Variants in VPS13C observed in about 807,000 individuals in gnomAD.
VPS13C encodes vacuolar protein sorting 13 homolog C.
VPS13C carries 358 observed loss-of-function variants against 456.8 expected under a neutral mutation model. The observed-to-expected ratio is 0.78, with a 90% CI of 0.72 to 0.86. The LOEUF (loss-of-function observed/expected upper bound fraction) is 0.86, where lower values mean the gene tolerates loss of function less well. Ranked by LOEUF, VPS13C falls within the 40% of genes least tolerant of loss-of-function variation. VPS13C has a pLI of 0.00. For missense variants in VPS13C, 4,818 were observed against 4,385.4 expected (o/e 1.10, Z -2.79); for synonymous variants, 1,578 against 1,486.7 (o/e 1.06, Z -1.41).
chr15:61,874,276 T>C (rs62009076), intron 77 of VPS13C, among the ~76,000 whole-genome samples: 10,397 of 151,974 alleles, frequency 0.068, 519 homozygotes, highest in Non-Finnish European at 0.1. Flanking sequence ...CACTGTAGGG[T>C]GACTATAGTT....
intron 16 of VPS13C, among the ~76,000 whole-genome samples, chr15:61,997,542 A>G (rs1338017324): frequency 6.6e-6 from 1 of 152,026 alleles, no homozygotes; most frequent in Non-Finnish European, 1.5e-5. Flanking sequence ...TAGGTCCCAA[A>G]CTGAACTCCT....
chr15:61,929,538 T>C lies in VPS13C; in HGVS notation c.6249A>G (p.Pro2083=). 6.2e-7 allele frequency: 1 copy of C among 1,614,122 alleles called. No homozygotes were observed. Among genetic ancestry groups the C allele is most frequent in the Non-Finnish European group, 8.5e-7 (1 of 1,179,998 alleles). ...ENVAKETQIL[P]RQTATGKVKI... is the part of the protein sequence containing the mutation. ...TGACCTTCCCTGTGGCAGTCTGTCT[T>C]GGTAAAATCTGTGTTTCTTTTGCCA... is the stretch of plus-strand genomic sequence containing the variant. Residue 2083 remains proline (P), a synonymous_variant, in exon 51 of 85, where the codon CCA becomes CCG. Coordinates refer to ENST00000644861, the MANE Select transcript of VPS13C (RefSeq NM_020821.3).
chr15:62,053,134 A>C (rs1023578772), intron 1 of VPS13C, among the ~76,000 whole-genome samples: 8 of 152,218 alleles, frequency 5.3e-5, no homozygotes, highest in Non-Finnish European at 7.3e-5. Flanking sequence ...TATGTATTAC[A>C]CTAATGACCT....
At position 61,854,496 on chromosome 15, in the gene VPS13C, C is replaced by A. The variant is rs767154744; in HGVS notation, c.11223G>T (p.Gln3741His). The A allele has an allele frequency of 6.2e-7, 1 of 1,614,154 alleles. No homozygotes were observed. The highest frequency in any genetic ancestry group is 1.3e-5 in the African/African-American group (1 of 75,046). ...GGGGTCTGAGAAGTCTCACTGATGA[C>A]TGCTTCATCAATTTTTGCTGCTGTC... ...STRQQQKLMK[Q>H]SSVRLLRPQL... Residue 3741 changes from glutamine (Q) to histidine (H), a missense_variant, in exon 85 of 85, where the codon CAG becomes CAT. Gln to His is a conservative substitution (Grantham distance 24). This residue lies in a region of VPS13C where 261 missense variants were observed against 234.1 expected (regional missense o/e 1.11). Coordinates refer to ENST00000644861, the MANE Select transcript of VPS13C (RefSeq NM_020821.3).
chr15:62,050,111 T>C (rs113896355), intron 1 of VPS13C, among the ~76,000 whole-genome samples: 2,415 of 152,326 alleles, frequency 0.016, 79 homozygotes, highest in African/African-American at 0.056. Flanking sequence ...TCCTGCCTAA[T>C]TGCCCTGGCC....
intron 5 of VPS13C, among the ~76,000 whole-genome samples, chr15:62,033,137 C>T (rs897626239): frequency 3.3e-5 from 5 of 151,186 alleles, no homozygotes; most frequent in Admixed American, 2.6e-4. Context: ...TACCATTTGC[C>T]CAAAATAAAC....
rs758234668 is a variant in VPS13C at position 61,951,833 on chromosome 15, C to T, written c.4447G>A (p.Asp1483Asn). The T allele has an allele frequency of 1.2e-4, 187 of 1,609,032 alleles. 3 individuals are homozygous for T. In the South Asian group the frequency reaches 2.0e-3, roughly 17 times the overall value. ...YLKKISMQCF[D>N]FTDSKGEPLH... ...AATATTTCACACTTACCAGTGAAAT[C>T]AAAGCACTGCATACTAATTTTTTTT... is the stretch of plus-strand genomic sequence containing the variant. The change falls in exon 39 of 85, where the codon GAT becomes AAT. Residue 1483 changes from aspartate to asparagine, a missense_variant. By Grantham distance (23) the Asp-to-Asn change is conservative. Transcript: ENST00000644861.
chr15:61,923,212 A>G (rs898657179), intron 53 of VPS13C, among the ~76,000 whole-genome samples: 1 of 151,814 alleles, frequency 6.6e-6, no homozygotes, highest in African/African-American at 2.4e-5. Context: ...TCTTCTGAAA[A>G]AAAAAAAAAG....
intron 82 of VPS13C, among the ~76,000 whole-genome samples, chr15:61,857,500 C>A (rs977504966): frequency 6.6e-6 from 1 of 152,086 alleles, no homozygotes; most frequent in African/African-American, 2.4e-5. Context: ...AAGATAGATA[C>A]CATGGTGAAG....
rs1473037421 is a variant in VPS13C, at chr15:61,962,861, A to C, written c.3332-9T>G. The C allele has an allele frequency of 6.4e-7, 1 of 1,560,380 alleles. No homozygotes were observed. The highest frequency in any genetic ancestry group is 1.7e-5 in the Admixed American group (1 of 58,940). ...AAGGGAGGAATCCAGTCCTGAAAAA[A>C]AGAGTGTATTATTATAATTTCTACA... On this transcript the variant is annotated splice_polypyrimidine_tract_variant and intron_variant, in intron 32 of 84. Coordinates refer to ENST00000644861, the MANE Select transcript of VPS13C (RefSeq NM_020821.3).
In VPS13C at chr15:61,919,307, G is replaced by C. The variant is rs758637421; in HGVS notation, c.7620C>G (p.Thr2540=). ...IDATEGNKVI[T]LRSPLQIKNH... ...GTATTACCTGTAGAGGAGAGCGAAG[G>C]GTAATTACTTTATTCCCTTCAGTTG... Residue 2540 remains threonine, a synonymous_variant, in exon 58 of 85, where the codon ACC becomes ACG. Transcript: ENST00000644861. 6.2e-7 allele frequency: 1 copy of C among 1,602,990 alleles called. No individual in the cohort carries two copies. The highest frequency in any genetic ancestry group is 1.1e-5 in the South Asian group (1 of 88,792).
At chr15:62,029,521 C>T (rs1171187091) in intron 5 of VPS13C, among the ~76,000 whole-genome samples, 1 of 152,024 alleles carries the variant, frequency 6.6e-6, no homozygotes, top group Non-Finnish European at 1.5e-5. Flanking sequence ...AAATATACAC[C>T]TTCATAGTGT....
intron 3 of VPS13C, among the ~76,000 whole-genome samples, chr15:62,040,808 A>C (rs1321686108): frequency 6.6e-6 from 1 of 152,226 alleles, no homozygotes; most frequent in Non-Finnish European, 1.5e-5. Context: ...GAAAAAATTT[A>C]TTCAACAAAG....
chr15:61,876,361 G>A (rs1182261160), intron 75 of VPS13C, among the ~76,000 whole-genome samples: 1 of 151,600 alleles, frequency 6.6e-6, no homozygotes, highest in Non-Finnish European at 1.5e-5. Flanking sequence ...GTAATTGTTA[G>A]TTTTTTTTAG....
chr15:61,916,747 T>C (rs2043483855), intron 60 of VPS13C, among the ~76,000 whole-genome samples: 1 of 152,156 alleles, frequency 6.6e-6, no homozygotes, highest in Non-Finnish European at 1.5e-5. Context: ...ATACCATTAC[T>C]AGAAAATCTT....
chr15:62,003,507 T>G (rs1005449219), intron 15 of VPS13C, among the ~76,000 whole-genome samples: 1 of 152,148 alleles, frequency 6.6e-6, no homozygotes, highest in African/African-American at 2.4e-5. Flanking sequence ...TGAATACCCT[T>G]TAGTTCCTTC....
intron 36 of VPS13C, 36 bp from the exon 37 acceptor site, chr15:61,958,752 C>T (rs754170774): frequency 3.3e-5 from 38 of 1,155,672 alleles, no homozygotes; most frequent in Middle Eastern, 4.9e-4. Flanking sequence ...AACTATATTA[C>T]GTTTTAAAAT....
At chr15:61,930,005 T>C (rs2044001356) in intron 50 of VPS13C, among the ~76,000 whole-genome samples, 1 of 151,840 alleles carries the variant, frequency 6.6e-6, no homozygotes, top group Admixed American at 6.5e-5. Context: ...TGCATTATAA[T>C]GCAATTTTTG....
chr15:61,870,671 G>A (rs1894955319), intron 79 of VPS13C, among the ~76,000 whole-genome samples: 1 of 152,110 alleles, frequency 6.6e-6, no homozygotes, highest in African/African-American at 2.4e-5. Context: ...GGGACACATG[G>A]TGACTCTGTG....
Sources: gnomAD v4.1 joint callset for allele counts (sites outside exome capture counted in the v4.1 genomes callset) on GRCh38, gnomAD v4.1.1 for gene constraint, gnomAD v4.1.1 regional missense constraint, MANE v1.5 for transcripts, NCBI Gene and HGNC (gene_info 2026-07-23, HGNC 2026-07-21) for gene names.